Variants in SLC9A3 observed in about 807,000 individuals in gnomAD.
SLC9A3 encodes solute carrier family 9 member A3.
Under a neutral mutation model 86.8 loss-of-function variants are expected in SLC9A3, and 37 were observed. The observed-to-expected ratio is 0.43, with a 90% CI of 0.33 to 0.56. The LOEUF (loss-of-function observed/expected upper bound fraction) is 0.56. SLC9A3 is among the 20% of genes least tolerant of loss of function. SLC9A3 has a pLI of 0.06. For missense variants in SLC9A3, 1,011 were observed against 1,171.9 expected (o/e 0.86, Z 2.00); for synonymous variants, 581 against 528.3 (o/e 1.10, Z -1.37).
rs563824444 is a variant in SLC9A3 at position 495,098 on chromosome 5, G to A, written c.212-3027C>T. Among the ~76,000 whole-genome samples the A allele has an allele frequency of 2.3e-5, 3 of 131,192 alleles. No homozygotes were observed. The South Asian group carries it at 6.4e-4, about 28-fold the overall frequency. 86.1% of individuals were successfully genotyped at this position (131,192 alleles called of 152,430 possible). On this transcript the variant is annotated intron_variant, in intron 1 of 16. Transcript: ENST00000264938. ...CAGAGACCGCGTGTCCCCAGGTGGG[G>A]GGGCGCCGTGGCCGCAGGTCAGACC...
At position 475,595 on chromosome 5, in the gene SLC9A3, A is replaced by G. The variant is rs750064260; in HGVS notation, c.2217T>C (p.Ser739=). 1.3e-6 allele frequency: 2 copies of G among 1,552,128 alleles called. No individual in the cohort carries two copies. Among genetic ancestry groups the G allele is most frequent in the Non-Finnish European group, 1.7e-6 (2 of 1,146,854 alleles). Residue 739 remains serine (S), a synonymous_variant, in exon 15 of 17, where the codon AGT becomes AGC. Coordinates refer to ENST00000264938, the MANE Select transcript of SLC9A3 (RefSeq NM_004174.4). ...EMSGGIEFLA[S]VTKDTASDSP... ...AGTCGGACGCTGTGTCCTTGGTGAC[A>G]CTAGCCAGGAACTCGATCCCCCCAC...
At chr5:479,604 C>T (rs1485551108) in intron 10 of SLC9A3, 12 of 523,658 alleles carry the variant, frequency 2.3e-5, no homozygotes, top group East Asian at 1.4e-4. Flanking sequence ...CTGACCTCAG[C>T]GCTCACCCCC....
In SLC9A3 at chr5:482,764, G is replaced by A; in HGVS notation, c.1154-14C>T. ...GCAGGACCACACCTGCGGATGATGG[G>A]GCGGGCACTCAGCTCCCCGGCCGCC... On this transcript the variant is annotated splice_polypyrimidine_tract_variant and intron_variant, in intron 6 of 16. Transcript: ENST00000264938. The A allele has an allele frequency of 6.3e-7, 1 of 1,582,972 alleles. No individual in the cohort carries two copies. Among genetic ancestry groups the A allele is most frequent in the Non-Finnish European group, 8.6e-7 (1 of 1,164,512 alleles).
chr5:503,451 T>C (rs1425384109), intron 1 of SLC9A3, among the ~76,000 whole-genome samples: 1 of 152,084 alleles, frequency 6.6e-6, no homozygotes, highest in Non-Finnish European at 1.5e-5. Flanking sequence ...GGCCAGAGGG[T>C]CCATTGAGCC....
chr5:476,643 T>C lies in SLC9A3; in HGVS notation c.1790A>G (p.Asp597Gly). ...CCGTCGCTGCTCCAGAGACTGCATG[T>C]CCAGGCAGACAGCGCTGACATTTTC... ...LRENVSAVCL[D>G]MQSLEQRRRS... The change falls in exon 12 of 17, where the codon GAC becomes GGC. Residue 597 changes from aspartate to glycine, a missense_variant. By Grantham distance (94) the Asp-to-Gly change is moderately conservative (BLOSUM62 -1). Coordinates refer to ENST00000264938, the MANE Select transcript of SLC9A3 (RefSeq NM_004174.4). The C allele has an allele frequency of 6.2e-7, 1 of 1,607,730 alleles. No individual in the cohort carries two copies.
chr5:490,753 G>A (rs115885871), intron 2 of SLC9A3, among the ~76,000 whole-genome samples: 3,021 of 152,316 alleles, frequency 0.02, 46 homozygotes, highest in Non-Finnish European at 0.032. Context: ...TGCCCCATCC[G>A]AGGTGTGTCC....
chr5:504,464 GGA>G (rs1025965879), intron 1 of SLC9A3, among the ~76,000 whole-genome samples: 1 of 152,200 alleles, frequency 6.6e-6, no homozygotes, highest in African/African-American at 2.4e-5. Flanking sequence ...TTGGCCCTCG[GGA>G]GAGAACTCCA....
At position 496,114 on chromosome 5, in the gene SLC9A3, A is replaced by G. The variant is rs1295332519; in HGVS notation, c.212-4043T>C. On this transcript the variant is annotated intron_variant, in intron 1 of 16. Coordinates refer to ENST00000264938, the MANE Select transcript of SLC9A3 (RefSeq NM_004174.4). This position sits in a 1 kb window ranked among gnomAD's most constrained non-coding sequence, Gnocchi z 4.7. ...CATCCTCTGACCTTGGTAGTTACTG[A>G]GAAAATATACATATATACGCACAAA... 6.6e-6 allele frequency among the ~76,000 whole-genome samples: 1 copy of G among 152,248 alleles called. No homozygotes were observed. Among genetic ancestry groups the G allele is most frequent in the Non-Finnish European group, 1.5e-5 (1 of 68,046 alleles).
Position 473,268 on chromosome 5 carries a change from G to A in SLC9A3, c.*111C>T. 1 of 1,171,372 alleles carries A rather than the reference G, an allele frequency of 8.5e-7. No individual in the cohort carries two copies. Among genetic ancestry groups the A allele is most frequent in the Non-Finnish European group, 1.1e-6 (1 of 919,082 alleles). 72.6% of individuals were successfully genotyped at this position (1,171,372 alleles called of 1,614,324 possible). On this transcript the variant is annotated 3_prime_UTR_variant, in exon 17 of 17. Transcript: ENST00000264938. ...GGGCGAGGCGGGGCTCGGGGCTCGC[G>A]GTCGCTGTAGCCGCGCGGGGATCTG... is the stretch of plus-strand genomic sequence containing the variant.
Position 475,012 on chromosome 5 carries a change from A to G in SLC9A3, c.2372T>C (p.Ile791Thr). Residue 791 changes from isoleucine (I) to threonine (T), a missense_variant, in exon 16 of 17, where the codon ATT becomes ACT. Transcript: ENST00000264938. ...GCAGAAGGTGCCGGGAGAGTAGGGA[A>G]TCTGCGTGCGGGCCCTCTGCGAGGG... ...VVPSQRARTQ[I>T]PYSPGTFCRL... The G allele has an allele frequency of 1.2e-6, 2 of 1,612,296 alleles. No homozygotes were observed. The highest frequency in any genetic ancestry group is 1.7e-6 in the Non-Finnish European group (2 of 1,179,732).
intron 1 of SLC9A3, among the ~76,000 whole-genome samples, chr5:509,866 C>T (rs2126649889): frequency 6.6e-6 from 1 of 152,332 alleles, no homozygotes; most frequent in Non-Finnish European, 1.5e-5. Context: ...AAACCAGTTC[C>T]CGCGGCGCGA....
At chr5:490,885 G>A (rs1739701717) in intron 2 of SLC9A3, among the ~76,000 whole-genome samples, 1 of 152,236 alleles carries the variant, frequency 6.6e-6, no homozygotes, top group Non-Finnish European at 1.5e-5. Context: ...TACAGGGAGG[G>A]GTGAGAAGGC....
At chr5:481,995 C>G (rs1739209202) in intron 8 of SLC9A3, 73 bp downstream of exon 8, 1 of 402,456 alleles carries the variant, frequency 2.5e-6, no homozygotes, top group Admixed American at 4.0e-5. Flanking sequence ...ACCAACGCAG[C>G]CTCCTCTCCC....
chr5:520,012 A>G (rs1054855678), intron 1 of SLC9A3, among the ~76,000 whole-genome samples: 4 of 152,080 alleles, frequency 2.6e-5, no homozygotes, highest in African/African-American at 7.2e-5. Flanking sequence ...CCGCCATCAC[A>G]TCCCTCAGCA....
chr5:477,525 C>A, intron 10 of SLC9A3, 81 bp from the exon 11 acceptor site: 2 of 944,834 alleles, frequency 2.1e-6, no homozygotes, highest in African/African-American at 1.7e-5. Context: ...GGGGGAAGCG[C>A]CCAGAGCTCG....
Position 472,386 on chromosome 5 carries a change from G to C in SLC9A3, c.*993C>G. ...TCCATGCCCCCTGGTTTGTTAAGGG[G>C]GACAGAGCAGCTGCTGGGCCCCACC... On this transcript the variant is annotated 3_prime_UTR_variant, in exon 17 of 17. Transcript: ENST00000264938. 3.0e-6 allele frequency: 1 copy of C among 336,490 alleles called. No individual in the cohort carries two copies. Among genetic ancestry groups the C allele is most frequent in the Non-Finnish European group, 5.8e-6 (1 of 172,160 alleles). The allele number at this position is 336,490 out of a possible 1,614,324, so 20.8% of individuals were successfully genotyped here. A position where few individuals can be genotyped will look rare whatever the true frequency, so the allele number is the denominator to read the frequency against.
chr5:514,390 C>T (rs1286735754), intron 1 of SLC9A3, among the ~76,000 whole-genome samples: 3 of 152,352 alleles, frequency 2.0e-5, no homozygotes, highest in Middle Eastern at 3.4e-3. Context: ...GCCCTCCCTC[C>T]TCACCTCTGC....
chr5:490,694 T>C (rs1281184311), intron 2 of SLC9A3, among the ~76,000 whole-genome samples: 2 of 152,218 alleles, frequency 1.3e-5, no homozygotes, highest in Admixed American at 6.5e-5. Flanking sequence ...TCCAGGAGTC[T>C]CTGCTACAAC....
intron 11 of SLC9A3, 29 bp downstream of exon 11, chr5:477,303 A>G (rs749931407): frequency 1.3e-6 from 2 of 1,484,316 alleles, no homozygotes; most frequent in Non-Finnish European, 9.3e-7. Flanking sequence ...GCTCTTCCCC[A>G]GGGAAGCTGC....
Sources: gnomAD v4.1 joint callset for allele counts (sites outside exome capture counted in the v4.1 genomes callset) on GRCh38, gnomAD v4.1.1 for gene constraint, Gnocchi (gnomAD v3.1) non-coding constraint, MANE v1.5 for transcripts, NCBI Gene and HGNC (gene_info 2026-07-23, HGNC 2026-07-21) for gene names.